The following XRRA1 variants were observed in gnomAD, a reference collection of about 807,000 sequenced individuals.
XRRA1 encodes the protein X-ray radiation resistance-associated protein 1.
A neutral mutation model predicts 80.2 loss-of-function variants in XRRA1; 69 were observed. The ratio of observed to expected loss-of-function variants is 0.86; its 90% CI spans 0.71 to 1.05. The LOEUF is 1.05. XRRA1 is among the 50% of genes least tolerant of loss of function. The probability of loss-of-function intolerance (pLI) is 0.00; values close to 1 mark genes in which losing one functional copy is unlikely to be tolerated. For synonymous variants in XRRA1, 348 were observed against 389.9 expected (o/e 0.89, Z 1.27); for missense variants, 967 against 976.4 (o/e 0.99, Z 0.13).
chr11:74,904,347 T>G (rs779292492), intron 10 of XRRA1, among the ~76,000 whole-genome samples: 2 of 152,006 alleles, frequency 1.3e-5, no homozygotes, highest in Non-Finnish European at 2.9e-5. Flanking sequence ...TGGTCCCAGC[T>G]ACTTGGGAGG....
At chr11:74,863,793 A>G (rs1229064223) in intron 10 of XRRA1, 2 of 152,226 alleles carry the variant, frequency 1.3e-5, no homozygotes, top group Non-Finnish European at 2.9e-5. Context: ...CATGGCATAA[A>G]TAACTTCTCC....
intron 10 of XRRA1, among the ~76,000 whole-genome samples, chr11:74,887,628 G>A (rs2049382422): frequency 6.6e-6 from 1 of 152,226 alleles, no homozygotes; most frequent in Non-Finnish European, 1.5e-5. Flanking sequence ...GCGAGGCATT[G>A]CCTCACCCAG....
chr11:74,947,751 TTTAG>T (rs943890242), intron 1 of XRRA1, among the ~76,000 whole-genome samples: 104 of 152,180 alleles, frequency 6.8e-4, no homozygotes, highest in African/African-American at 2.4e-3. Context: ...TTAGTAATAA[TTTAG>T]TTATTTAGTG....
chr11:74,932,697 T>C (rs941258968), intron 5 of XRRA1, among the ~76,000 whole-genome samples: 2 of 152,240 alleles, frequency 1.3e-5, no homozygotes, highest in Admixed American at 6.5e-5. Context: ...CTCACCGTTA[T>C]ATGTGAACTA....
chr11:74,894,632 A>T (rs929230568), intron 10 of XRRA1, among the ~76,000 whole-genome samples: 11 of 152,204 alleles, frequency 7.2e-5, no homozygotes, highest in Admixed American at 7.2e-4. Flanking sequence ...AGAACTCACT[A>T]TCATGAGAAC....
chr11:74,901,873 T>TA (rs2053626338), intron 10 of XRRA1, among the ~76,000 whole-genome samples: 2 of 152,050 alleles, frequency 1.3e-5, no homozygotes, highest in African/African-American at 4.8e-5. Flanking sequence ...TTTTCTTGAG[T>TA]AGTAATATCT....
intron 8 of XRRA1, chr11:74,913,637 T>C (rs535766397): frequency 2.0e-4 from 31 of 152,282 alleles, no homozygotes; most frequent in African/African-American, 7.0e-4. Flanking sequence ...TACACCTTTT[T>C]CCTCTTCTCT....
intron 10 of XRRA1, among the ~76,000 whole-genome samples, chr11:74,903,644 A>C (rs1320962637): frequency 6.6e-6 from 1 of 152,240 alleles, no homozygotes; most frequent in Non-Finnish European, 1.5e-5. Context: ...CAGAGCTTGC[A>C]GTGAGCGGAG....
chr11:74,872,873 C>T (rs2045178576), intron 10 of XRRA1, among the ~76,000 whole-genome samples: 1 of 152,180 alleles, frequency 6.6e-6, no homozygotes. Flanking sequence ...TTTCCCATAG[C>T]ATGACCATGA....
intron 10 of XRRA1, among the ~76,000 whole-genome samples, chr11:74,895,213 T>G (rs1023773834): frequency 1.3e-5 from 2 of 152,242 alleles, no homozygotes; most frequent in African/African-American, 4.8e-5. Flanking sequence ...CTCCATCCCC[T>G]GGCAGAAGCC....
Position 74,843,363 on chromosome 11 carries a change from C to T in XRRA1, c.2240G>A (p.Arg747His), listed in dbSNP as rs148718535. Residue 747 changes from arginine (R) to histidine (H), a missense_variant, in exon 19 of 19, where the codon CGT (arginine) becomes CAT (histidine). Transcript: ENST00000684022. ...AGAGCCACTCACCAGCTGCCGGTAA[C>T]GTGCCTGGAACTCCTTCAACAGCCT... ...AKRLLKEFQA[R>H]YRQLVSGSLR... is the part of the protein sequence containing the mutation. 1.9e-5 allele frequency: 30 copies of T among 1,611,748 alleles called. No individual in the cohort carries two copies. The African/African-American group carries it at 2.7e-4, about 14-fold the overall frequency.
intron 10 of XRRA1, among the ~76,000 whole-genome samples, chr11:74,899,309 G>T (rs1344090595): frequency 6.6e-6 from 1 of 151,916 alleles, no homozygotes; most frequent in African/African-American, 2.4e-5. Context: ...TAAAAAACTA[G>T]AAAAACTTCA....
At chr11:74,916,062 T>C (rs1328690471) in intron 8 of XRRA1, among the ~76,000 whole-genome samples, 1 of 152,198 alleles carries the variant, frequency 6.6e-6, no homozygotes, top group African/African-American at 2.4e-5. Flanking sequence ...AGATTCCTTG[T>C]ATGTGATGAG....
intron 10 of XRRA1, among the ~76,000 whole-genome samples, chr11:74,889,558 A>G (rs1360719533): frequency 6.6e-6 from 1 of 152,234 alleles, no homozygotes; most frequent in African/African-American, 2.4e-5. Context: ...TAACAATATT[A>G]ACCTTAAGTG....
chr11:74,912,065 C>T (rs1418583980), intron 8 of XRRA1, among the ~76,000 whole-genome samples: 1 of 152,196 alleles, frequency 6.6e-6, no homozygotes, highest in Non-Finnish European at 1.5e-5. Context: ...GAAGGGCAGA[C>T]TGGTCCTCTT....
intron 10 of XRRA1, among the ~76,000 whole-genome samples, chr11:74,880,017 T>C (rs982754037): frequency 4.6e-5 from 7 of 152,170 alleles, no homozygotes; most frequent in South Asian, 4.2e-4. Flanking sequence ...TTTCTATTGA[T>C]TGGAATAGTT....
chr11:74,911,842 T>C lies in XRRA1; in HGVS notation c.657-4569A>G, dbSNP rs538582681. 3.9e-4 allele frequency among the ~76,000 whole-genome samples: 60 copies of C among 152,320 alleles called. 1 individual carries two copies. Among genetic ancestry groups the C allele is most frequent in the African/African-American group, 1.4e-3 (59 of 41,590 alleles). On this transcript the variant is annotated intron_variant, in intron 8 of 18. Transcript: ENST00000684022. ...GCCTTGAGGGCATATACTTATCCTG[T>C]TGAAACTGAACTATGGTTTAACAGT... is the stretch of plus-strand genomic sequence containing the variant.
At chr11:74,885,124 T>C (rs561574019) in intron 10 of XRRA1, among the ~76,000 whole-genome samples, 16 of 151,790 alleles carry the variant, frequency 1.1e-4, no homozygotes, top group Non-Finnish European at 2.1e-4. Context: ...ATTAGCTGGG[T>C]ATGATGAAGT....
chr11:74,916,799 G>A (rs1213328104), intron 8 of XRRA1, among the ~76,000 whole-genome samples: 2 of 151,638 alleles, frequency 1.3e-5, no homozygotes, highest in Non-Finnish European at 2.9e-5. Flanking sequence ...CCTTTACCAG[G>A]GTTTGCTGGG....
Sources: allele counts gnomAD v4.1 joint callset (sites outside exome capture counted in the v4.1 genomes callset), GRCh38; gene constraint gnomAD v4.1.1; transcripts MANE v1.5; gene names NCBI Gene and HGNC (gene_info 2026-07-23, HGNC 2026-07-21).